The following CDH17 variants were observed in gnomAD, a reference collection of about 807,000 sequenced individuals.
CDH17 encodes the protein cadherin-17.
CDH17 carries 67 observed loss-of-function variants against 86.3 expected under a neutral mutation model. The ratio of observed to expected loss-of-function variants is 0.78; its 90% CI spans 0.64 to 0.95. CDH17 has a LOEUF of 0.95. CDH17 is among the 40% of genes least tolerant of loss of function. The pLI is 0.00. For missense variants in CDH17, 993 were observed against 1,017.6 expected (o/e 0.98, Z 0.33); for synonymous variants, 367 against 366.4 (o/e 1.00, Z -0.02).
intron 15 of CDH17, among the ~76,000 whole-genome samples, chr8:94,131,650 T>TA (rs1812418420): frequency 6.7e-6 from 1 of 149,954 alleles, no homozygotes; most frequent in African/African-American, 2.5e-5. Context: ...TTTTTTTTTT[T>TA]ATCATGGGTC....
chr8:94,168,446 T>C (rs1425281426), intron 9 of CDH17, among the ~76,000 whole-genome samples: 2 of 151,702 alleles, frequency 1.3e-5, no homozygotes, highest in African/African-American at 4.8e-5. Flanking sequence ...CCTGGCCTAA[T>C]TCAGTATTTT....
rs185751002 is a variant in CDH17, at chr8:94,194,766, A to G, written c.-20-61T>C. 1.1e-4 allele frequency: 93 copies of G among 837,770 alleles called. No individual in the cohort carries two copies. The East Asian group carries it at 1.4e-3, about 13-fold the overall frequency. The allele number at this position is 837,770 out of a possible 1,614,324, so 51.9% of individuals were successfully genotyped here. A position where few individuals can be genotyped will look rare whatever the true frequency, so the allele number is the denominator to read the frequency against. ...CAGTCTGTTAAAATCATGTCTTTCC[A>G]ATCAGTAAGAATCAATGGATGATAT... is the stretch of plus-strand genomic sequence containing the variant. On this transcript the variant is annotated intron_variant, in intron 1 of 17. Transcript: ENST00000027335.
chr8:94,136,769 C>G (rs1358758388), intron 15 of CDH17, among the ~76,000 whole-genome samples: 2 of 152,154 alleles, frequency 1.3e-5, no homozygotes, highest in African/African-American at 4.8e-5. Context: ...TTCTCTCCAC[C>G]TTTGGTCTTT....
chr8:94,176,949 C>T (rs530372953), intron 4 of CDH17, among the ~76,000 whole-genome samples: 1 of 152,282 alleles, frequency 6.6e-6, no homozygotes, highest in Admixed American at 6.5e-5. Flanking sequence ...GAAACAAGAG[C>T]ACTGTGACCC....
At chr8:94,197,451 A>G (rs13251726) in intron 1 of CDH17, 3 of 152,276 alleles carry the variant, frequency 2.0e-5, no homozygotes, top group African/African-American at 7.2e-5. Context: ...ACTGCTCTCT[A>G]TAGCTATGTG....
intron 1 of CDH17, among the ~76,000 whole-genome samples, chr8:94,197,708 G>A (rs747711095): frequency 2.2e-4 from 33 of 151,906 alleles, no homozygotes; most frequent in Non-Finnish European, 4.4e-5. Context: ...GTAGGTGCCT[G>A]TAGTCCCAGC....
In CDH17 at chr8:94,130,647, G is replaced by A. The variant is rs571282275; in HGVS notation, c.2377C>T (p.Leu793=). The A allele has an allele frequency of 1.3e-4, 207 of 1,612,038 alleles. 1 individual carries two copies. The East Asian group carries it at 3.1e-3, about 24-fold the overall frequency. The part of the protein sequence containing the change: ...PTVGMAVGIL[L]TTLLVIGIIL... ...TCACCAATCACCAGAAGGGTGGTCA[G>A]CAGTATACCAACTGCCATGCCCACA... The change falls in exon 17 of 18, where the codon CTG becomes TTG. Residue 793 remains leucine (L), a synonymous_variant. Coordinates refer to ENST00000027335, the MANE Select transcript of CDH17 (RefSeq NM_004063.4).
chr8:94,179,574 G>C (rs542153437), intron 3 of CDH17, among the ~76,000 whole-genome samples: 2 of 152,330 alleles, frequency 1.3e-5, no homozygotes, highest in African/African-American at 4.8e-5. Flanking sequence ...TGACTTGGAG[G>C]CTCTGCATAA....
chr8:94,174,404 T>C (rs2130642465), intron 5 of CDH17, 144 bp from the exon 6 acceptor site: 1 of 799,774 alleles, frequency 1.3e-6, no homozygotes, highest in Admixed American at 3.0e-5. Flanking sequence ...AATAAATATT[T>C]ATCCCACTCC....
intron 1 of CDH17, among the ~76,000 whole-genome samples, chr8:94,196,039 C>T (rs1813780594): frequency 6.6e-6 from 1 of 152,154 alleles, no homozygotes; most frequent in South Asian, 2.1e-4. Context: ...GGATTACAGG[C>T]GTGAGCCACC....
At chr8:94,146,203 C>T (rs1040259165) in intron 14 of CDH17, 36 bp from the exon 15 acceptor site, 4 of 1,410,514 alleles carry the variant, frequency 2.8e-6, no homozygotes, top group Non-Finnish European at 2.8e-6. Context: ...GGGATCAGTT[C>T]ACTCATTTTC....
Position 94,214,697 on chromosome 8 carries a change from G to A in CDH17, c.-21+2501C>T, listed in dbSNP as rs759764304. Among the ~76,000 whole-genome samples, 91 of 151,970 alleles carry A rather than the reference G, an allele frequency of 6.0e-4. 1 individual carries two copies. Among genetic ancestry groups the A allele is most frequent in the Non-Finnish European group, 5.1e-4 (35 of 68,006 alleles). On this transcript the variant is annotated intron_variant, in intron 1 of 17. Coordinates refer to the CDH17 transcript ENST00000450165. ...GAACTTTTGTGATTCAAAAAACACC[G>A]TTAAGAAAGTGAAAGACAATTCATA... is the stretch of plus-strand genomic sequence containing the variant.
At chr8:94,148,375 C>G (rs11781039) in intron 14 of CDH17, among the ~76,000 whole-genome samples, 1 of 151,824 alleles carries the variant, frequency 6.6e-6, no homozygotes, top group Non-Finnish European at 1.5e-5. Flanking sequence ...AACCCTGTCT[C>G]TACTAAAAAT....
chr8:94,188,283 A>G (rs1362127598), intron 3 of CDH17, among the ~76,000 whole-genome samples: 1 of 152,180 alleles, frequency 6.6e-6, no homozygotes, highest in Non-Finnish European at 1.5e-5. Context: ...TTAAATTTGT[A>G]TCATTTTTAT....
chr8:94,210,957 G>A (rs958093001), upstream of CDH17, among the ~76,000 whole-genome samples: 10 of 149,244 alleles, frequency 6.7e-5, no homozygotes, highest in African/African-American at 1.2e-4. Context: ...GGAGGTGGAG[G>A]TTGCATTGAG....
At chr8:94,132,693 G>A (rs1163223439) in intron 15 of CDH17, among the ~76,000 whole-genome samples, 1 of 152,148 alleles carries the variant, frequency 6.6e-6, no homozygotes, top group African/African-American at 2.4e-5. Context: ...TGTCAAGTTT[G>A]TCTTTTGTTG....
chr8:94,191,598 C>A (rs1158218579), intron 2 of CDH17, among the ~76,000 whole-genome samples: 1 of 55,762 alleles, frequency 1.8e-5, no homozygotes. Flanking sequence ...ATTACAGGCA[C>A]CCCCCCACCA....
rs768746977 is a variant in CDH17 at position 94,148,717 on chromosome 8, TTTTG to T, written c.1927+23_1927+26del. On this transcript the variant is annotated intron_variant, in intron 14 of 17. Transcript: ENST00000027335. ...CTTCTGATAATCTGTGTTCCTTTTT[TTTTG>T]TTTTTTTTTTTTTTTTGCTTACCTA... is the stretch of plus-strand genomic sequence containing the variant. The T allele has an allele frequency of 1.7e-3, 2,306 of 1,376,994 alleles. 30 individuals carry two copies. The highest frequency in any genetic ancestry group is 2.8e-3 in the East Asian group (97 of 34,066). The allele number at this position is 1,376,994 out of a possible 1,614,324, so 85.3% of individuals were successfully genotyped here. A position where few individuals can be genotyped will look rare whatever the true frequency, so the allele number is the denominator to read the frequency against.
At chr8:94,175,493 A>G (rs1003797740) in intron 5 of CDH17, among the ~76,000 whole-genome samples, 1 of 152,168 alleles carries the variant, frequency 6.6e-6, no homozygotes, top group Non-Finnish European at 1.5e-5. Flanking sequence ...CTTGATTAGT[A>G]TTATTTTAAA....
Sources: allele counts gnomAD v4.1 joint callset (sites outside exome capture counted in the v4.1 genomes callset), GRCh38; gene constraint gnomAD v4.1.1; transcripts MANE v1.5; gene names NCBI Gene and HGNC (gene_info 2026-07-23, HGNC 2026-07-21).